Variants in TRIM48 observed in about 807,000 individuals in gnomAD.
TRIM48 encodes the protein E3 ubiquitin-protein ligase TRIM48.
TRIM48 carries 31 observed loss-of-function variants against 29.5 expected under a neutral mutation model. The ratio of observed to expected loss-of-function variants is 1.05; its 90% CI spans 0.79 to 1.42. The LOEUF is 1.42. Among genes scored for constraint, TRIM48 ranks in the 40% most tolerant of loss-of-function variants. TRIM48 has a pLI of 0.00. For missense variants in TRIM48, 344 were observed against 265.0 expected (o/e 1.30, Z -2.07); for synonymous variants, 128 against 90.6 (o/e 1.41, Z -2.34).
chr11:55,270,629 G>A lies in TRIM48; in HGVS notation c.*194G>A, dbSNP rs1377884723. On this transcript the variant is annotated 3_prime_UTR_variant, in exon 6 of 6. Coordinates refer to ENST00000417545, the MANE Select transcript of TRIM48 (RefSeq NM_024114.5). Reference sequence around the variant, plus strand: ...TGGGAGGTCCATGTGGGGGACTCTTGGAATTGGGCTTTTGGTGTCTGTAAT... The same window carrying A: ...TGGGAGGTCCATGTGGGGGACTCTTAGAATTGGGCTTTTGGTGTCTGTAAT... The A allele has an allele frequency of 6.3e-7, 1 of 1,582,272 alleles. No homozygotes were observed. Among genetic ancestry groups the A allele is most frequent in the African/African-American group, 1.4e-5 (1 of 73,440 alleles).
chr11:55,270,747 T>A lies in TRIM48; in HGVS notation c.*312T>A. 6.4e-7 allele frequency: 1 copy of A among 1,565,664 alleles called. No homozygotes were observed. Among genetic ancestry groups the A allele is most frequent in the East Asian group, 2.4e-5 (1 of 41,174 alleles). On this transcript the variant is annotated 3_prime_UTR_variant, in exon 6 of 6. Transcript: ENST00000417545. Reference sequence around the variant, plus strand: ...GTGTTAAGAACGACATTCAGTGCAGTCTCTTTACCACCTCCCCAATTACAC... The same window carrying A: ...GTGTTAAGAACGACATTCAGTGCAGACTCTTTACCACCTCCCCAATTACAC...
At position 55,266,266 on chromosome 11, in the gene TRIM48, A is replaced by G. The variant is rs1000011305; in HGVS notation, c.555+571A>G. Among the ~76,000 whole-genome samples, 4 of 147,768 alleles carry G rather than the reference A, an allele frequency of 2.7e-5. No homozygotes were observed. The Admixed American group carries it at 2.7e-4, about 10-fold the overall frequency. ...TGTGTCTTGAGGGAGACATGCAAAC[A>G]TGCCCAAAATATGGGAACTAGTATC... On this transcript the variant is annotated intron_variant, in intron 3 of 5. Transcript: ENST00000417545.
chr11:55,265,138 A>G lies in TRIM48; in HGVS notation c.283A>G (p.Lys95Glu). The change falls in exon 2 of 6, where the codon AAA becomes GAA. Residue 95 changes from lysine to glutamate, a missense_variant. By Grantham distance (56) the Lys-to-Glu change is moderately conservative. Transcript: ENST00000417545. ...RLKKMASLAR[K>E]ASLWLFLSSE... ...GAAGAAGATGGCTTCCCTTGCCAGA[A>G]AAGCCAGTCTCTGGCTATTCCTGAG... 2 of 1,582,862 alleles carry G rather than the reference A, an allele frequency of 1.3e-6. No individual in the cohort carries two copies. Among genetic ancestry groups the G allele is most frequent in the Non-Finnish European group, 1.7e-6 (2 of 1,166,192 alleles).
At chr11:55,269,220 A>T in intron 4 of TRIM48, 22 bp from the exon 5 acceptor site, 2 of 1,570,000 alleles carry the variant, frequency 1.3e-6, no homozygotes, top group African/African-American at 2.7e-5. Flanking sequence ...TAGATGTTGT[A>T]ACTGCAGGTT....
rs759546960 is a variant in TRIM48 at position 55,268,350 on chromosome 11, G to A, written c.556G>A (p.Ala186Thr). The part of the protein sequence containing the change: ...VETTRISHWK[A>T]FGDILYRSES... ...ATCTTTCTATTTTTTTTTTTTACAGGCTTTTGGAGACATATTATACAGGTG... is the reference window on the plus strand; with the variant it reads ...ATCTTTCTATTTTTTTTTTTTACAGACTTTTGGAGACATATTATACAGGTG... The change falls in exon 4 of 6, where the codon GCT (alanine) becomes ACT (threonine). Residue 186 changes from alanine to threonine, a missense_variant and splice_region_variant. Transcript: ENST00000417545. 5.2e-6 allele frequency: 8 copies of A among 1,547,374 alleles called. No homozygotes were observed. Among genetic ancestry groups the A allele is most frequent in the South Asian group, 1.2e-5 (1 of 80,566 alleles).
intron 2 of TRIM48, 90 bp from the exon 3 acceptor site, chr11:55,265,510 T>G: frequency 6.7e-7 from 1 of 1,498,882 alleles, no homozygotes; most frequent in Non-Finnish European, 9.1e-7. Context: ...GGGACTTATT[T>G]GTCTCTCATT....
At chr11:55,269,981 A>C (rs1286747403) in intron 5 of TRIM48, among the ~76,000 whole-genome samples, 1 of 147,962 alleles carries the variant, frequency 6.8e-6, no homozygotes, top group African/African-American at 2.5e-5. Context: ...GCTTCAAATG[A>C]TCACTTATGA....
At chr11:55,267,521 A>T in intron 3 of TRIM48, 1 of 1,578,336 alleles carries the variant, frequency 6.3e-7, no homozygotes, top group Non-Finnish European at 8.6e-7. Context: ...GGGAAAAGAT[A>T]TTTTTCATCA....
At chr11:55,264,401 G>T (rs1431396982) in intron 1 of TRIM48, among the ~76,000 whole-genome samples, 3 of 147,740 alleles carry the variant, frequency 2.0e-5, no homozygotes, top group Non-Finnish European at 3.0e-5. Flanking sequence ...GGACATGCAG[G>T]CTTGTTACAC....
intron 4 of TRIM48, among the ~76,000 whole-genome samples, chr11:55,268,874 A>G (rs949963572): frequency 8.1e-5 from 12 of 148,110 alleles, no homozygotes; most frequent in African/African-American, 2.7e-4. Context: ...TATCTTGAAA[A>G]GGAAGCAGCA....
chr11:55,265,695 G>A lies in TRIM48; in HGVS notation c.555G>A (p.Lys185=), dbSNP rs1156903411. 13 of 1,578,596 alleles carry A rather than the reference G, an allele frequency of 8.2e-6. No homozygotes were observed. Among genetic ancestry groups the A allele is most frequent in the East Asian group, 4.9e-5 (2 of 40,980 alleles). ...NVETTRISHW[K]AFGDILYRSE... ...AAACCACCAGAATCAGCCACTGGAAGGTTAGTCCTGTAATACCCTACCTTC... is the reference window on the plus strand; with the variant it reads ...AAACCACCAGAATCAGCCACTGGAAAGTTAGTCCTGTAATACCCTACCTTC... The change falls in exon 3 of 6, where the codon AAG becomes AAA. Residue 185 remains lysine (K), a splice_region_variant and synonymous_variant. Coordinates refer to ENST00000417545, the MANE Select transcript of TRIM48 (RefSeq NM_024114.5).
chr11:55,268,662 C>A lies in TRIM48; in HGVS notation c.578+290C>A, dbSNP rs1311627827. 4.1e-5 allele frequency among the ~76,000 whole-genome samples: 6 copies of A among 147,576 alleles called. 1 individual carries two copies. The highest frequency in any genetic ancestry group is 1.4e-4 in the Admixed American group (2 of 14,576). Reference sequence around the variant, plus strand: ...TGTTTTGTGGATGGTGAGAAAGTCACCAGAGGAAGCAGGAGAGAAGTGGGG... The same window carrying A: ...TGTTTTGTGGATGGTGAGAAAGTCAACAGAGGAAGCAGGAGAGAAGTGGGG... On this transcript the variant is annotated intron_variant, in intron 4 of 5. Coordinates refer to ENST00000417545, the MANE Select transcript of TRIM48 (RefSeq NM_024114.5).
At position 55,266,755 on chromosome 11, in the gene TRIM48, T is replaced by C. The variant is rs1428457634; in HGVS notation, c.555+1060T>C. On this transcript the variant is annotated intron_variant, in intron 3 of 5. Transcript: ENST00000417545. Reference sequence around the variant, plus strand: ...GATATATATGTGGACCATGAGTGTGTATATGTGTGTGTGTGTGTCTGTGTG... The same window carrying C: ...GATATATATGTGGACCATGAGTGTGCATATGTGTGTGTGTGTGTCTGTGTG... Among the ~76,000 whole-genome samples the C allele has an allele frequency of 1.4e-5, 2 of 147,460 alleles. 1 individual carries two copies. Among genetic ancestry groups the C allele is most frequent in the Non-Finnish European group, 3.0e-5 (2 of 66,838 alleles).
intron 1 of TRIM48, among the ~76,000 whole-genome samples, 183 bp downstream of exon 1, chr11:55,262,494 T>A (rs1857318996): frequency 6.6e-6 from 1 of 152,168 alleles, no homozygotes; most frequent in African/African-American, 2.4e-5. Context: ...TTTCTATCAT[T>A]CTTCAATATA....
At chr11:55,268,112 C>T (rs993471056) in intron 3 of TRIM48, among the ~76,000 whole-genome samples, 4 of 147,560 alleles carry the variant, frequency 2.7e-5, no homozygotes, top group African/African-American at 7.4e-5. Context: ...ACTCTCTGGG[C>T]TTCTTCTCCC....
In TRIM48 at chr11:55,265,263, G is replaced by A. The variant is rs1319018861; in HGVS notation, c.408G>A (p.Glu136=). The change falls in exon 2 of 6, where the codon GAG becomes GAA. Residue 136 remains glutamate, a synonymous_variant. Coordinates refer to ENST00000417545, the MANE Select transcript of TRIM48 (RefSeq NM_024114.5). ...LLCLLCSSSQ[E]HRYHRHCPAE... ...GTTTGCTGTGCTCCAGCTCTCAGGA[G>A]CACCGGTATCACAGACACTGTCCCG... 5.7e-6 allele frequency: 9 copies of A among 1,582,522 alleles called. 3 individuals are homozygous for A. The highest frequency in any genetic ancestry group is 4.8e-5 in the East Asian group (2 of 41,358).
chr11:55,264,920 C>G lies in TRIM48; in HGVS notation c.65C>G (p.Ser22Trp). The G allele has an allele frequency of 6.3e-7, 1 of 1,583,474 alleles. No individual in the cohort carries two copies. The highest frequency in any genetic ancestry group is 1.2e-5 in the South Asian group (1 of 83,660). ...RTQRNMNSGI[S>W]QVFQRELTCP... ...CTCAGAAACATGAATTCTGGAATCT[C>G]GCAAGTCTTCCAGAGGGAACTCACC... Residue 22 changes from serine (S) to tryptophan (W), a missense_variant, in exon 2 of 6, where the codon TCG (serine) becomes TGG (tryptophan). Ser to Trp is a radical substitution (Grantham distance 177). Coordinates refer to ENST00000417545, the MANE Select transcript of TRIM48 (RefSeq NM_024114.5).
In TRIM48 at chr11:55,264,969, C is replaced by A. The variant is rs775740327; in HGVS notation, c.114C>A (p.Phe38Leu). The change falls in exon 2 of 6, where the codon TTC becomes TTA. Residue 38 changes from phenylalanine to leucine, a missense_variant. Transcript: ENST00000417545. ...CCTGCCCCATCTGCATGAACTACTT[C>A]ATAGACCCGGTCACCATAGACTGTG... ...ELTCPICMNYFIDPVTIDCGH... is the reference protein window; with the variant it reads ...ELTCPICMNYLIDPVTIDCGH... 1 of 1,584,376 alleles carries A rather than the reference C, an allele frequency of 6.3e-7. No individual in the cohort carries two copies. The highest frequency in any genetic ancestry group is 8.6e-7 in the Non-Finnish European group (1 of 1,166,316).
intron 3 of TRIM48, among the ~76,000 whole-genome samples, chr11:55,266,759 T>C (rs1366088910): frequency 6.9e-6 from 1 of 145,466 alleles, no homozygotes; most frequent in Non-Finnish European, 1.5e-5. Flanking sequence ...AGTGTGTATA[T>C]GTGTGTGTGT....
Sources: gnomAD v4.1 joint callset for allele counts (sites outside exome capture counted in the v4.1 genomes callset) on GRCh38, gnomAD v4.1.1 for gene constraint, MANE v1.5 for transcripts, NCBI Gene and HGNC (gene_info 2026-07-23, HGNC 2026-07-21) for gene names.